VPS13B: variants seen among roughly 807,000 people sequenced by gnomAD.
VPS13B encodes intermembrane lipid transfer protein VPS13B.
In VPS13B, 285 loss-of-function variants were observed where a neutral mutation model predicts 426.4. The observed-to-expected ratio is 0.67, with a 90% confidence interval of 0.61 to 0.74. VPS13B has a LOEUF of 0.74. Among genes scored for constraint, VPS13B ranks in the 30% least tolerant of loss-of-function variants. VPS13B has a pLI of 0.00. For synonymous variants in VPS13B, 1,676 were observed against 1,676.4 expected (o/e 1.00, Z 0.01); for missense variants, 4,537 against 4,782.6 (o/e 0.95, Z 1.51).
intron 54 of VPS13B, among the ~76,000 whole-genome samples, chr8:99,845,107 C>A (rs1368128544): frequency 6.6e-6 from 1 of 152,206 alleles, no homozygotes; most frequent in Non-Finnish European, 1.5e-5. Context: ...ATATCGATTT[C>A]TACTGTCTGA....
At chr8:99,829,270 A>T (rs917691814) in intron 51 of VPS13B, among the ~76,000 whole-genome samples, 1 of 152,080 alleles carries the variant, frequency 6.6e-6, no homozygotes, top group Admixed American at 6.5e-5. Flanking sequence ...ACATAGTCCC[A>T]TATTTCTTGG....
At chr8:99,255,911 T>C (rs1415149616) in intron 17 of VPS13B, among the ~76,000 whole-genome samples, 1 of 152,200 alleles carries the variant, frequency 6.6e-6, no homozygotes, top group South Asian at 2.1e-4. Flanking sequence ...CCTAGTCTTA[T>C]TCTACCCAGG....
intron 3 of VPS13B, among the ~76,000 whole-genome samples, chr8:99,045,150 A>G (rs1206623159): frequency 3.9e-5 from 6 of 152,162 alleles, no homozygotes. Context: ...TAGTGGTTGT[A>G]CTAGTTTACA....
At chr8:99,608,826 G>C (rs1052083802) in intron 33 of VPS13B, among the ~76,000 whole-genome samples, 3 of 151,960 alleles carry the variant, frequency 2.0e-5, no homozygotes, top group African/African-American at 7.3e-5. Flanking sequence ...GCCTGTATCA[G>C]TATTTACTTT....
At chr8:99,103,239 A>C in intron 5 of VPS13B, 119 bp downstream of exon 5, 1 of 1,180,622 alleles carries the variant, frequency 8.5e-7, no homozygotes, top group South Asian at 1.3e-5. Context: ...TCATGCCTCC[A>C]GTGTGGGAAA....
Position 99,192,890 on chromosome 8 carries a change from A to G in VPS13B, c.2348A>G (p.Gln783Arg), listed in dbSNP as rs765133430. Residue 783 changes from glutamine (Q) to arginine (R), a missense_variant, in exon 17 of 62, where the codon CAG becomes CGG. Physicochemically the swap from Gln to Arg is conservative, Grantham distance 43. Around this residue, in one of 2 missense-constraint regions of VPS13B, gnomAD observed 4,311 missense variants for 4,474.3 expected, o/e 0.96. Transcript: ENST00000357162. ...KLPTCWTKRS[Q>R]IAITEGIFEL... ...TTCTTGTGCAGGACCAAAAGATCTC[A>G]GATTGCTATAACTGAAGGTATATTT... 3.7e-6 allele frequency: 6 copies of G among 1,613,080 alleles called. No individual in the cohort carries two copies. Among genetic ancestry groups the G allele is most frequent in the Admixed American group, 1.7e-5 (1 of 60,004 alleles).
chr8:99,540,026 T>C (rs1563784821), intron 30 of VPS13B, among the ~76,000 whole-genome samples: 6 of 1,066 alleles, frequency 5.6e-3, no homozygotes, highest in Non-Finnish European at 0.012. Context: ...TATATATATA[T>C]ATATATATAT....
At chr8:99,520,525 G>T (rs913109654) in intron 29 of VPS13B, among the ~76,000 whole-genome samples, 2 of 151,754 alleles carry the variant, frequency 1.3e-5, no homozygotes, top group African/African-American at 4.8e-5. Context: ...AGACAACAAT[G>T]AAGTATTAAG....
intron 3 of VPS13B, among the ~76,000 whole-genome samples, chr8:99,053,194 G>C (rs1009585455): frequency 2.0e-5 from 3 of 151,494 alleles, no homozygotes; most frequent in Non-Finnish European, 4.4e-5. Context: ...CAACATGCAG[G>C]TTTGTTACAT....
chr8:99,259,522 T>G (rs868024372), intron 17 of VPS13B, among the ~76,000 whole-genome samples: 4 of 152,054 alleles, frequency 2.6e-5, no homozygotes, highest in Middle Eastern at 3.2e-3. Flanking sequence ...AAGCTCATAA[T>G]GTCAAAGCAC....
chr8:99,053,323 A>G (rs899259512), intron 3 of VPS13B, among the ~76,000 whole-genome samples: 7 of 151,848 alleles, frequency 4.6e-5, no homozygotes, highest in African/African-American at 1.5e-4. Context: ...CCATTGTGTG[A>G]TGTTCCCCTT....
intron 17 of VPS13B, 67 bp downstream of exon 17, chr8:99,193,124 T>C (rs1201164377): frequency 7.4e-6 from 11 of 1,490,310 alleles, no homozygotes; most frequent in Non-Finnish European, 1.0e-5. Context: ...TATTTTATTA[T>C]GAAAATCCAT....
intron 19 of VPS13B, among the ~76,000 whole-genome samples, chr8:99,317,372 A>G (rs1250955628): frequency 1.3e-5 from 2 of 152,182 alleles, no homozygotes; most frequent in Non-Finnish European, 2.9e-5. Flanking sequence ...TTTCTTTGTG[A>G]TGACAACATT....
At chr8:99,475,291 T>C (rs1445919049) in intron 24 of VPS13B, among the ~76,000 whole-genome samples, 2 of 152,178 alleles carry the variant, frequency 1.3e-5, no homozygotes, top group Non-Finnish European at 2.9e-5. Flanking sequence ...CTGTTGTTTT[T>C]CTAAAGTCAT....
At chr8:99,460,905 T>A (rs1264545017) in intron 23 of VPS13B, among the ~76,000 whole-genome samples, 4 of 152,216 alleles carry the variant, frequency 2.6e-5, no homozygotes, top group African/African-American at 9.6e-5. Flanking sequence ...TAGAAATGAC[T>A]TCATGCAAGA....
At chr8:99,196,358 C>T (rs1483207390) in intron 17 of VPS13B, among the ~76,000 whole-genome samples, 1 of 151,240 alleles carries the variant, frequency 6.6e-6, no homozygotes, top group Non-Finnish European at 1.5e-5. Flanking sequence ...TAGTTTTGGA[C>T]ATGTTAATGC....
intron 35 of VPS13B, among the ~76,000 whole-genome samples, chr8:99,672,358 A>G (rs1288043540): frequency 2.0e-5 from 3 of 152,112 alleles, no homozygotes; most frequent in African/African-American, 7.2e-5. Flanking sequence ...ATTCCTAAGT[A>G]TTTAATAATT....
At chr8:99,168,018 G>A (rs1812111642) in intron 15 of VPS13B, among the ~76,000 whole-genome samples, 1 of 151,998 alleles carries the variant, frequency 6.6e-6, no homozygotes, top group Admixed American at 6.5e-5. Context: ...AGCTTATATA[G>A]GTTTTGTAAA....
At chr8:99,603,662 G>A (rs73271339) in intron 33 of VPS13B, among the ~76,000 whole-genome samples, 2,544 of 152,280 alleles carry the variant, frequency 0.017, 64 homozygotes, top group African/African-American at 0.058. Flanking sequence ...AGGTGTGGGA[G>A]ACTTCATCAC....
Sources: allele counts gnomAD v4.1 joint callset (sites outside exome capture counted in the v4.1 genomes callset), GRCh38; gene constraint gnomAD v4.1.1; regional missense constraint gnomAD v4.1.1; transcripts MANE v1.5; gene names NCBI Gene and HGNC (gene_info 2026-07-23, HGNC 2026-07-21).